EPHA5: variants seen among roughly 807,000 people sequenced by gnomAD.
EPHA5 encodes the protein EPH receptor A5.
Under a neutral mutation model 105.0 loss-of-function variants are expected in EPHA5, and 60 were observed. That is an observed-to-expected ratio of 0.57 (90% confidence interval 0.46 to 0.71). The LOEUF is 0.71. Among genes scored for constraint, EPHA5 ranks in the 30% least tolerant of loss-of-function variants. The probability of loss-of-function intolerance (pLI) is 0.00; values close to 1 mark genes in which losing one functional copy is unlikely to be tolerated. For synonymous variants in EPHA5, 513 were observed against 449.1 expected (o/e 1.14, Z -1.80); for missense variants, 1,218 against 1,274.7 (o/e 0.96, Z 0.68).
intron 2 of EPHA5, among the ~76,000 whole-genome samples, chr4:65,611,082 T>C (rs1331354513): frequency 6.6e-6 from 1 of 152,122 alleles, no homozygotes; most frequent in Non-Finnish European, 1.5e-5. Context: ...TAAGATGGAG[T>C]ACAAATTTAC....
At chr4:65,407,152 TAG>T (rs970464009) in intron 7 of EPHA5, among the ~76,000 whole-genome samples, 3 of 152,112 alleles carry the variant, frequency 2.0e-5, no homozygotes, top group African/African-American at 7.2e-5. Context: ...TCAAAAACTT[TAG>T]AGAGTCCTAC....
rs1184937667 is a variant in EPHA5, at chr4:65,322,412, C to T, written c.*1702G>A. ...ATATTTCTGATAAATTTCATTAATCCAGGCTTCTCTGATCTACTGTACTAT... is the reference window on the plus strand; with the variant it reads ...ATATTTCTGATAAATTTCATTAATCTAGGCTTCTCTGATCTACTGTACTAT... On this transcript the variant is annotated 3_prime_UTR_variant, in exon 17 of 17. Coordinates refer to ENST00000613740, the MANE Select transcript of EPHA5 (RefSeq NM_001281766.3). The T allele has an allele frequency of 1.3e-5, 3 of 225,206 alleles. No individual in the cohort carries two copies. Among genetic ancestry groups the T allele is most frequent in the African/African-American group, 2.2e-5 (1 of 44,830 alleles). The allele number at this position is 225,206 out of a possible 1,614,324, so 14.0% of individuals were successfully genotyped here. A position where few individuals can be genotyped will look rare whatever the true frequency, so the allele number is the denominator to read the frequency against.
At chr4:65,396,887 A>G (rs1317340086) in intron 8 of EPHA5, among the ~76,000 whole-genome samples, 3 of 152,174 alleles carry the variant, frequency 2.0e-5, no homozygotes, top group Non-Finnish European at 4.4e-5. Flanking sequence ...GAAAGTGGCC[A>G]CCACAGTCTT....
chr4:65,554,170 A>G (rs999496655), intron 3 of EPHA5, among the ~76,000 whole-genome samples: 1 of 150,470 alleles, frequency 6.6e-6, no homozygotes, highest in African/African-American at 2.4e-5. Context: ...AAAAATTGAG[A>G]AACTTGTACT....
At chr4:65,537,909 C>T (rs1273554687) in intron 3 of EPHA5, among the ~76,000 whole-genome samples, 1 of 151,606 alleles carries the variant, frequency 6.6e-6, no homozygotes, top group Non-Finnish European at 1.5e-5. Context: ...ATTTAAAAAC[C>T]TCGAAATCAA....
At chr4:65,566,956 C>G (rs1453513237) in intron 3 of EPHA5, among the ~76,000 whole-genome samples, 1 of 151,432 alleles carries the variant, frequency 6.6e-6, no homozygotes, top group Non-Finnish European at 1.5e-5. Flanking sequence ...CATGGTCAAC[C>G]TCTTATAGGT....
chr4:65,576,168 A>C (rs1578473924), intron 3 of EPHA5, among the ~76,000 whole-genome samples: 1 of 114,200 alleles, frequency 8.8e-6, no homozygotes, highest in East Asian at 3.8e-4. Flanking sequence ...AGAGAAAGTA[A>C]AGGAAGGAAG....
intron 3 of EPHA5, among the ~76,000 whole-genome samples, chr4:65,522,081 A>T (rs1054923466): frequency 9.2e-5 from 14 of 151,964 alleles, no homozygotes; most frequent in Non-Finnish European, 1.6e-4. Context: ...GCCGACAGAA[A>T]AAAAACTAAG....
At chr4:65,662,867 C>T (rs1420069477) in intron 1 of EPHA5, among the ~76,000 whole-genome samples, 1 of 152,052 alleles carries the variant, frequency 6.6e-6, no homozygotes. Context: ...TCAGCACACA[C>T]CCATGGGCAC....
At chr4:65,535,276 T>G (rs1029761227) in intron 3 of EPHA5, among the ~76,000 whole-genome samples, 2 of 152,130 alleles carry the variant, frequency 1.3e-5, no homozygotes, top group Non-Finnish European at 2.9e-5. Context: ...TTGTCATGAT[T>G]AACGATCCCC....
chr4:65,552,732 G>T (rs1251398337), intron 3 of EPHA5, among the ~76,000 whole-genome samples: 1 of 152,014 alleles, frequency 6.6e-6, no homozygotes, highest in East Asian at 1.9e-4. Flanking sequence ...ATGTTCAAGG[G>T]TTTTCTCTGC....
chr4:65,452,717 T>C (rs1404861416), intron 5 of EPHA5, among the ~76,000 whole-genome samples: 1 of 152,146 alleles, frequency 6.6e-6, no homozygotes, highest in Non-Finnish European at 1.5e-5. Context: ...AAATGTGTAA[T>C]GTTTGTCCTT....
chr4:65,506,921 T>A (rs1435138684), intron 3 of EPHA5, among the ~76,000 whole-genome samples: 1 of 152,204 alleles, frequency 6.6e-6, no homozygotes, highest in Non-Finnish European at 1.5e-5. Context: ...GTTTGGTGTT[T>A]TAGACATGAA....
intron 5 of EPHA5, among the ~76,000 whole-genome samples, chr4:65,426,418 G>T (rs991431420): frequency 2.6e-5 from 4 of 152,110 alleles, no homozygotes; most frequent in African/African-American, 4.8e-5. Flanking sequence ...CTTCCTGACT[G>T]ATTGACCATT....
intron 10 of EPHA5, 111 bp downstream of exon 10, chr4:65,365,821 C>T: frequency 1.8e-6 from 2 of 1,142,126 alleles, no homozygotes; most frequent in East Asian, 2.4e-5. Flanking sequence ...ACTTTGAATG[C>T]AAGCCAATTA....
chr4:65,388,170 G>A (rs1168254484), intron 8 of EPHA5, among the ~76,000 whole-genome samples: 1 of 149,108 alleles, frequency 6.7e-6, no homozygotes, highest in Admixed American at 6.7e-5. Flanking sequence ...TGGCTGCATA[G>A]TATTCCATGG....
At chr4:65,591,232 A>G (rs577566914) in intron 3 of EPHA5, among the ~76,000 whole-genome samples, 2 of 152,228 alleles carry the variant, frequency 1.3e-5, no homozygotes, top group South Asian at 4.1e-4. Context: ...AGATTATGAA[A>G]TAGACCAATA....
At chr4:65,442,625 A>C (rs1726129270) in intron 5 of EPHA5, among the ~76,000 whole-genome samples, 1 of 152,176 alleles carries the variant, frequency 6.6e-6, no homozygotes, top group South Asian at 2.1e-4. Flanking sequence ...GCTCACACAC[A>C]CTCATGCATC....
At chr4:65,577,818 G>A (rs957802480) in intron 3 of EPHA5, among the ~76,000 whole-genome samples, 3 of 152,072 alleles carry the variant, frequency 2.0e-5, no homozygotes, top group Admixed American at 1.3e-4. Flanking sequence ...GGGAAAGTAT[G>A]TACTTAGCAT....
Sources: gnomAD v4.1 joint callset for allele counts (sites outside exome capture counted in the v4.1 genomes callset) on GRCh38, gnomAD v4.1.1 for gene constraint, MANE v1.5 for transcripts, NCBI Gene and HGNC (gene_info 2026-07-23, HGNC 2026-07-21) for gene names.